PDE8B: variants seen among roughly 807,000 people sequenced by gnomAD.
PDE8B encodes the protein phosphodiesterase 8B.
A neutral mutation model predicts 101.3 loss-of-function variants in PDE8B; 26 were observed. That is an observed-to-expected ratio of 0.26 (90% CI 0.19 to 0.36). PDE8B has a LOEUF of 0.36. Ranked by LOEUF, PDE8B falls within the 10% of genes least tolerant of loss-of-function variation. The pLI is 1.00. For synonymous variants in PDE8B, 424 were observed against 429.3 expected (o/e 0.99, Z 0.15); for missense variants, 810 against 1,163.1 (o/e 0.70, Z 4.42).
chr5:77,344,992 C>T (rs1779892659), intron 7 of PDE8B, 61 bp downstream of exon 7: 2 of 1,056,490 alleles, frequency 1.9e-6, no homozygotes, highest in Admixed American at 3.4e-5. Flanking sequence ...GTTTAAGCCA[C>T]ACTTTTTATC....
Position 77,211,203 on chromosome 5 carries a change from G to C in PDE8B, c.278G>C (p.Arg93Pro). 6.4e-7 allele frequency: 1 copy of C among 1,567,058 alleles called. No individual in the cohort carries two copies. Among genetic ancestry groups the C allele is most frequent in the Non-Finnish European group, 8.6e-7 (1 of 1,164,850 alleles). The part of the protein sequence containing the change: ...AAPAATTSRG[R>P]RRHCCSSAEA... ...CCCGCCGCGACCACCAGCAGGGGCC[G>C]GAGGCGCCACTGCTGCAGCAGCGCC... The change falls in exon 1 of 22, where the codon CGG (arginine) becomes CCG (proline). Residue 93 changes from arginine to proline, a missense_variant. Coordinates refer to ENST00000264917, the MANE Select transcript of PDE8B (RefSeq NM_003719.5). The surrounding 1 kb of genome is among the most constrained non-coding windows in gnomAD (Gnocchi z 4.1).
intron 10 of PDE8B, among the ~76,000 whole-genome samples, chr5:77,369,624 A>T (rs1461245748): frequency 2.0e-5 from 3 of 152,234 alleles, no homozygotes; most frequent in Non-Finnish European, 4.4e-5. Context: ...TAATCATCTT[A>T]TCAAGCCCAT....
intron 5 of PDE8B, among the ~76,000 whole-genome samples, chr5:77,336,838 T>A (rs1778281406): frequency 6.6e-6 from 1 of 152,236 alleles, no homozygotes; most frequent in East Asian, 1.9e-4. Context: ...GAGTAGGCTC[T>A]CCCTTCCAAA....
At chr5:77,319,627 A>G (rs903308917) in intron 2 of PDE8B, among the ~76,000 whole-genome samples, 2 of 152,256 alleles carry the variant, frequency 1.3e-5, no homozygotes, top group African/African-American at 2.4e-5. Flanking sequence ...GATTCTAGAC[A>G]TGTAGCTGGT....
chr5:77,325,172 G>GT (rs11418983), intron 2 of PDE8B, among the ~76,000 whole-genome samples: 119,808 of 151,986 alleles, frequency 0.79, 47,481 homozygotes, highest in East Asian at 0.97. Context: ...TGGGGGGATT[G>GT]TTTTGGCTTT....
the PDE8B span, among the ~76,000 whole-genome samples, chr5:77,148,884 G>A: frequency 6.6e-6 from 1 of 152,066 alleles, no homozygotes; most frequent in African/African-American, 2.4e-5. Context: ...TTTTGATGAA[G>A]TCTAATGTAT....
At chr5:77,184,416 A>G in the PDE8B span, among the ~76,000 whole-genome samples, 45 of 152,222 alleles carry the variant, frequency 3.0e-4, no homozygotes, top group African/African-American at 1.1e-3. Context: ...TCTATAAACT[A>G]TGGATGGTAG....
intron 5 of PDE8B, 132 bp from the exon 6 acceptor site, chr5:77,337,095 A>G (rs902329561): frequency 1.5e-6 from 1 of 663,108 alleles, no homozygotes; most frequent in Non-Finnish European, 2.8e-6. Flanking sequence ...CAGCTGTTTC[A>G]TCTCATCTTA....
At chr5:77,089,734 A>G in the PDE8B span, among the ~76,000 whole-genome samples, 1 of 152,256 alleles carries the variant, frequency 6.6e-6, no homozygotes, top group African/African-American at 2.4e-5. Flanking sequence ...GGAAAACAGT[A>G]TGGCGGCTTC....
chr5:77,123,750 C>G, the PDE8B span, among the ~76,000 whole-genome samples: 1 of 152,180 alleles, frequency 6.6e-6, no homozygotes, highest in Non-Finnish European at 1.5e-5. Context: ...CGGTGAGACT[C>G]TTGATTCTTT....
At chr5:77,260,421 C>T (rs1209913296) in intron 1 of PDE8B, among the ~76,000 whole-genome samples, 1 of 152,048 alleles carries the variant, frequency 6.6e-6, no homozygotes, top group Non-Finnish European at 1.5e-5. Context: ...TTAGCTACCA[C>T]GTATGCAAAT....
chr5:77,363,851 G>A (rs936420794), intron 10 of PDE8B, among the ~76,000 whole-genome samples: 1 of 151,996 alleles, frequency 6.6e-6, no homozygotes, highest in African/African-American at 2.4e-5. Flanking sequence ...TGAGCTGAGG[G>A]TACAGTTGGT....
chr5:77,162,807 A>G, the PDE8B span, among the ~76,000 whole-genome samples: 93 of 152,310 alleles, frequency 6.1e-4, no homozygotes, highest in African/African-American at 2.2e-3. Context: ...AAAATGAACC[A>G]CTTTTGCAAA....
chr5:77,283,588 G>T (rs1204742690), intron 1 of PDE8B, among the ~76,000 whole-genome samples: 2 of 152,140 alleles, frequency 1.3e-5, no homozygotes, highest in African/African-American at 2.4e-5. Context: ...ACAGTATATG[G>T]CCTTTTCGGA....
In PDE8B at chr5:77,223,815, G is replaced by A. The variant is rs556448261; in HGVS notation, c.339+12551G>A. Among the ~76,000 whole-genome samples the A allele has an allele frequency of 2.0e-5, 3 of 152,338 alleles. No individual in the cohort carries two copies. In the East Asian group the frequency reaches 5.8e-4, roughly 29 times the overall value. ...GGAACAGGCGATAGCAGTGGCCCCT[G>A]CTAAGTGGCAGTGGTGCTGCCTGAG... On this transcript the variant is annotated intron_variant, in intron 1 of 21. Transcript: ENST00000264917.
intron 2 of PDE8B, among the ~76,000 whole-genome samples, chr5:77,313,887 C>T (rs769906697): frequency 3.9e-5 from 6 of 152,170 alleles, no homozygotes; most frequent in Non-Finnish European, 7.4e-5. Context: ...AATATGTACA[C>T]TTGTTTTGAA....
the PDE8B span, among the ~76,000 whole-genome samples, chr5:77,103,628 C>G: frequency 6.6e-6 from 1 of 152,196 alleles, no homozygotes; most frequent in Non-Finnish European, 1.5e-5. Context: ...GGCCCAGGCA[C>G]TGTCTGTTCT....
intron 11 of PDE8B, among the ~76,000 whole-genome samples, chr5:77,401,509 G>A (rs753444705): frequency 1.1e-4 from 17 of 151,950 alleles, no homozygotes; most frequent in African/African-American, 3.9e-4. Context: ...TTTGATCTTG[G>A]GCTACCTACA....
chr5:77,208,385 C>CTAT (rs1747676095), upstream of PDE8B, among the ~76,000 whole-genome samples: 1 of 152,204 alleles, frequency 6.6e-6, no homozygotes, highest in Admixed American at 6.5e-5. Flanking sequence ...GACTGAAATG[C>CTAT]TATATGCATT....
Sources: gnomAD v4.1 joint callset for allele counts (sites outside exome capture counted in the v4.1 genomes callset) on GRCh38, gnomAD v4.1.1 for gene constraint, Gnocchi (gnomAD v3.1) non-coding constraint, MANE v1.5 for transcripts, NCBI Gene and HGNC (gene_info 2026-07-23, HGNC 2026-07-21) for gene names.